Variants in EVI5L observed in about 807,000 individuals in gnomAD.
EVI5L encodes ecotropic viral integration site 5 like.
In EVI5L, 30 loss-of-function variants were observed where a neutral mutation model predicts 106.1. The observed-to-expected ratio is 0.28, with a 90% CI of 0.21 to 0.38. The LOEUF is 0.38. Among genes scored for constraint, EVI5L ranks in the 10% least tolerant of loss-of-function variants. The pLI is 1.00. For missense variants in EVI5L, 809 were observed against 1,098.0 expected, an observed-to-expected ratio of 0.74 and a Z score of 3.72; for synonymous variants, 489 against 483.3, an observed-to-expected ratio of 1.01 and a Z score of -0.15.
At position 7,835,997 on chromosome 19, in the gene EVI5L, G is replaced by A. The variant is rs1227098602; in HGVS notation, c.-48+5616G>A. On this transcript the variant is annotated intron_variant, in intron 1 of 19. Transcript: ENST00000538904. This position sits in a 1 kb window ranked among gnomAD's most constrained non-coding sequence, Gnocchi z 4.1. ...CACACCTGTGATCTCGGTACTTTGG[G>A]AGGCCGAGGCGGGAGGATCACCTGA... is the stretch of plus-strand genomic sequence containing the variant. Among the ~76,000 whole-genome samples, 1 of 151,754 alleles carries A rather than the reference G, an allele frequency of 6.6e-6. No homozygotes were observed. Among genetic ancestry groups the A allele is most frequent in the African/African-American group, 2.4e-5 (1 of 41,274 alleles).
In EVI5L at chr19:7,846,593, G is replaced by C. The variant is rs747246244; in HGVS notation, c.51G>C (p.Ser17=). 1 of 1,613,616 alleles carries C rather than the reference G, an allele frequency of 6.2e-7. No homozygotes were observed. The highest frequency in any genetic ancestry group is 1.7e-5 in the Admixed American group (1 of 59,982). ...ACTCCTCATCCCAGGAGGCCCTGTCGGCCCCCACCTGCTCCCCAACCTCTG... is the reference window on the plus strand; with the variant it reads ...ACTCCTCATCCCAGGAGGCCCTGTCCGCCCCCACCTGCTCCCCAACCTCTG... ...SPDSSSQEAL[S]APTCSPTSDS... Residue 17 remains serine (S), a synonymous_variant, in exon 2 of 20, where the codon TCG becomes TCC. Coordinates refer to ENST00000538904, the MANE Select transcript of EVI5L (RefSeq NM_001159944.3).
intron 1 of EVI5L, among the ~76,000 whole-genome samples, chr19:7,843,236 GTGTGTGCA>G (rs1186300168): frequency 2.3e-4 from 29 of 126,254 alleles, no homozygotes; most frequent in Non-Finnish European, 3.5e-4. Context: ...TGTGTGTCGA[GTGTGTGCA>G]TGTGTGTATA....
intron 1 of EVI5L, among the ~76,000 whole-genome samples, chr19:7,842,733 G>T (rs1255048862): frequency 6.6e-6 from 1 of 151,110 alleles, no homozygotes; most frequent in South Asian, 2.1e-4. Flanking sequence ...TGTGTATTGT[G>T]TGCATGTGTG....
intron 1 of EVI5L, among the ~76,000 whole-genome samples, chr19:7,843,406 TGTGAGAATAGGCATGGGTGTGTCGAGA>T (rs1568235274): frequency 0.017 from 1,370 of 79,390 alleles, 93 homozygotes; most frequent in South Asian, 0.036. Context: ...GGTGTGTGAG[TGTGAGAATAGGCATGGGTGTGTCGAGA>T]GTGTGTGTGT....
rs774770123 is a variant in EVI5L, at chr19:7,853,169, C to A, written c.1071C>A (p.Pro357=). The A allele has an allele frequency of 3.1e-6, 5 of 1,614,060 alleles. No homozygotes were observed. Among genetic ancestry groups the A allele is most frequent in the Non-Finnish European group, 4.2e-6 (5 of 1,180,034 alleles). The part of the protein sequence containing the change: ...VLKAYQVKYN[P]KKMKRLEKEY... The stretch of plus-strand genomic sequence containing the variant: ...AAGCCTACCAGGTCAAGTACAACCC[C>A]AAGAAGATGAAGAGGTCGGTGCCTG... The change falls in exon 9 of 20, where the codon CCC becomes CCA. Residue 357 remains proline (P), a synonymous_variant. Coordinates refer to ENST00000538904, the MANE Select transcript of EVI5L (RefSeq NM_001159944.3).
chr19:7,846,488 G>T lies in EVI5L; in HGVS notation c.-47-8G>T. On this transcript the variant is annotated splice_polypyrimidine_tract_variant and splice_region_variant and intron_variant, in intron 1 of 19. Transcript: ENST00000538904. ...CCAATGCCGACCACGCATGTCTCTG[G>T]CCCCCAGACAGAGCTGTGAACCAAC... The T allele has an allele frequency of 6.5e-7, 1 of 1,548,864 alleles. No individual in the cohort carries two copies.
intron 1 of EVI5L, among the ~76,000 whole-genome samples, chr19:7,840,514 T>G (rs1256322841): frequency 6.6e-6 from 1 of 152,104 alleles, no homozygotes; most frequent in African/African-American, 2.4e-5. Context: ...AGCTTACAGT[T>G]TGGTGGCATT....
chr19:7,842,004 C>T (rs998266709), intron 1 of EVI5L, among the ~76,000 whole-genome samples: 11 of 151,998 alleles, frequency 7.2e-5, no homozygotes, highest in Non-Finnish European at 8.8e-5. Flanking sequence ...AGTGTGTGAG[C>T]GCGTGTGTGT....
chr19:7,838,258 G>A (rs1599560200), intron 1 of EVI5L, among the ~76,000 whole-genome samples: 1 of 152,102 alleles, frequency 6.6e-6, no homozygotes, highest in Admixed American at 6.5e-5. Flanking sequence ...ACAGGCATGT[G>A]CCACCACGCC....
chr19:7,836,882 C>G (rs1265756657), intron 1 of EVI5L, among the ~76,000 whole-genome samples: 4 of 145,876 alleles, frequency 2.7e-5, no homozygotes, highest in African/African-American at 1.0e-4. Context: ...TCTGCCCCCC[C>G]TCAGCCTCCC....
chr19:7,856,926 G>A lies in EVI5L; in HGVS notation c.1201-166G>A, dbSNP rs1409326109. 13 of 761,830 alleles carry A rather than the reference G, an allele frequency of 1.7e-5. No homozygotes were observed. Among genetic ancestry groups the A allele is most frequent in the East Asian group, 1.6e-4 (6 of 37,446 alleles). 47.2% of individuals were successfully genotyped at this position (761,830 alleles called of 1,614,324 possible). The stretch of plus-strand genomic sequence containing the variant: ...CTGGCTCTAGCTTTGGTCTTCCTCC[G>A]GGTCCTCTCCTGCTGGTTCTCTGGT... On this transcript the variant is annotated intron_variant, in intron 11 of 19. Transcript: ENST00000538904. The surrounding 1 kb of genome is among the most constrained non-coding windows in gnomAD (Gnocchi z 6.6).
chr19:7,863,262 C>G lies in EVI5L; in HGVS notation c.2121C>G (p.Ile707Met). 1 of 1,558,612 alleles carries G rather than the reference C, an allele frequency of 6.4e-7. No individual in the cohort carries two copies. Among genetic ancestry groups the G allele is most frequent in the South Asian group, 1.2e-5 (1 of 84,604 alleles). ...ACATCCGCGAGCTCAAGGACCAGATCGAGGAGCTGAAGGCCGAGGTGAGCC... is the reference window on the plus strand; with the variant it reads ...ACATCCGCGAGCTCAAGGACCAGATGGAGGAGCTGAAGGCCGAGGTGAGCC... ...SQYIRELKDQ[I>M]EELKAEVRLL... is the part of the protein sequence containing the mutation. The change falls in exon 19 of 20, where the codon ATC (isoleucine) becomes ATG (methionine). Residue 707 changes from isoleucine (I) to methionine (M), a missense_variant. Ile to Met is a conservative substitution (Grantham distance 10, BLOSUM62 1). Coordinates refer to ENST00000538904, the MANE Select transcript of EVI5L (RefSeq NM_001159944.3). This position sits in a 1 kb window ranked among gnomAD's most constrained non-coding sequence, Gnocchi z 7.7.
In EVI5L at chr19:7,849,993, CT is replaced by C. The variant is rs779303413; in HGVS notation, c.628-3del. 1.1e-5 allele frequency: 18 copies of C among 1,589,076 alleles called. No homozygotes were observed. In the East Asian group the frequency reaches 1.4e-4, roughly 12 times the overall value. ...GAGCCCCCCCACCTGCCCGTCCCCC[CT>C]AGATGCCTGAGGAGGAGGCCTTCTG... On this transcript the variant is annotated splice_polypyrimidine_tract_variant and splice_region_variant and intron_variant, in intron 5 of 19. Coordinates refer to ENST00000538904, the MANE Select transcript of EVI5L (RefSeq NM_001159944.3).
At chr19:7,834,145 G>A (rs1243519950) in intron 1 of EVI5L, among the ~76,000 whole-genome samples, 2 of 152,114 alleles carry the variant, frequency 1.3e-5, no homozygotes, top group African/African-American at 2.4e-5. Flanking sequence ...TCAGGAGTTC[G>A]AGACCAGCCT....
chr19:7,860,970 GA>G (rs1304341794), intron 14 of EVI5L, among the ~76,000 whole-genome samples: 2 of 152,128 alleles, frequency 1.3e-5, no homozygotes, highest in Non-Finnish European at 2.9e-5. Context: ...AGGGAGGAGA[GA>G]GGGGGATGGG....
chr19:7,851,526 C>T lies in EVI5L; in HGVS notation c.846C>T (p.Thr282=). The change falls in exon 7 of 20, where the codon ACC becomes ACT. Residue 282 remains threonine, a synonymous_variant. Transcript: ENST00000538904. ...ASSWFLTLFL[T]TFPLPVATRV... ...CCTGGTTCCTCACACTGTTCCTGAC[C>T]ACCTTCCCACTCCCCGTCGCCACCC... 2 of 1,613,284 alleles carry T rather than the reference C, an allele frequency of 1.2e-6. No homozygotes were observed. The highest frequency in any genetic ancestry group is 1.7e-4 in the Middle Eastern group (1 of 6,056).
intron 13 of EVI5L, among the ~76,000 whole-genome samples, chr19:7,859,473 G>T (rs2146437529): frequency 6.6e-6 from 1 of 152,360 alleles, no homozygotes; most frequent in East Asian, 1.9e-4. Flanking sequence ...TGTGGCTCAA[G>T]CCTTGGCCCA....
rs1208226849 is a variant in EVI5L at position 7,856,621 on chromosome 19, C to T, written c.1201-471C>T. 6.6e-6 allele frequency among the ~76,000 whole-genome samples: 1 copy of T among 152,082 alleles called. No homozygotes were observed. Among genetic ancestry groups the T allele is most frequent in the African/African-American group, 2.4e-5 (1 of 41,424 alleles). ...TGCTCCTCACTCGTCCTCACTTGACCCTCCACTGGCCACAGGAAGTGGGTT... is the reference window on the plus strand; with the variant it reads ...TGCTCCTCACTCGTCCTCACTTGACTCTCCACTGGCCACAGGAAGTGGGTT... On this transcript the variant is annotated intron_variant, in intron 11 of 19. Transcript: ENST00000538904. The surrounding 1 kb of genome is among the most constrained non-coding windows in gnomAD (Gnocchi z 6.6).
chr19:7,834,112 C>T (rs940497473), intron 1 of EVI5L, among the ~76,000 whole-genome samples: 2 of 152,190 alleles, frequency 1.3e-5, no homozygotes, highest in South Asian at 4.2e-4. Context: ...TTTGGGAGGC[C>T]GAGGCGGGTG....
Sources: allele counts gnomAD v4.1 joint callset (sites outside exome capture counted in the v4.1 genomes callset), GRCh38; gene constraint gnomAD v4.1.1; non-coding constraint Gnocchi (gnomAD v3.1); transcripts MANE v1.5; gene names NCBI Gene and HGNC (gene_info 2026-07-23, HGNC 2026-07-21).